The following DLG2 variants were observed in gnomAD, a reference collection of about 807,000 sequenced individuals.
DLG2 encodes disks large homolog 2.
A neutral mutation model predicts 132.5 loss-of-function variants in DLG2; 45 were observed. The ratio of observed to expected loss-of-function variants is 0.34; its 90% CI spans 0.27 to 0.44. The LOEUF is 0.44. DLG2 is among the 20% of genes least tolerant of loss of function. The probability of loss-of-function intolerance (pLI) is 1.00; values close to 1 mark genes in which losing one functional copy is unlikely to be tolerated. For missense variants in DLG2, 1,045 were observed against 1,196.9 expected, an observed-to-expected ratio of 0.87 and a Z score of 1.87; for synonymous variants, 424 against 419.6, an observed-to-expected ratio of 1.01 and a Z score of -0.13.
At chr11:84,253,421 GT>G (rs1417577890) in intron 7 of DLG2, among the ~76,000 whole-genome samples, 1 of 152,142 alleles carries the variant, frequency 6.6e-6, no homozygotes, top group Non-Finnish European at 1.5e-5. Context: ...ATAGTTGAGT[GT>G]GCTTGGTAAA....
At chr11:84,868,757 T>G (rs1361683887) in intron 6 of DLG2, among the ~76,000 whole-genome samples, 1 of 152,106 alleles carries the variant, frequency 6.6e-6, no homozygotes, top group Admixed American at 6.6e-5. Context: ...TGCCAATATC[T>G]CAGACAAAAC....
intron 22 of DLG2, among the ~76,000 whole-genome samples, chr11:83,474,409 G>A (rs1441172486): frequency 6.6e-6 from 1 of 152,124 alleles, no homozygotes; most frequent in Non-Finnish European, 1.5e-5. Context: ...AATTAAAGAA[G>A]TGTAAAAATT....
At chr11:85,467,033 G>C (rs1253629711) in intron 3 of DLG2, among the ~76,000 whole-genome samples, 1 of 152,100 alleles carries the variant, frequency 6.6e-6, no homozygotes, top group Non-Finnish European at 1.5e-5. Flanking sequence ...CAAATCCCTT[G>C]TAAGTTGGAT....
At chr11:85,619,980 T>A (rs1006029022) in intron 2 of DLG2, among the ~76,000 whole-genome samples, 2 of 152,230 alleles carry the variant, frequency 1.3e-5, no homozygotes, top group African/African-American at 2.4e-5. Flanking sequence ...CTCATTTTAT[T>A]GCACTTTGCT....
intron 7 of DLG2, among the ~76,000 whole-genome samples, chr11:84,467,118 GC>G: frequency 6.6e-6 from 1 of 151,392 alleles, no homozygotes; most frequent in East Asian, 1.9e-4. Flanking sequence ...ACTAAAAGGA[GC>G]TAGGACATCT....
At chr11:85,113,479 T>C (rs551365040) in intron 5 of DLG2, among the ~76,000 whole-genome samples, 123 of 152,164 alleles carry the variant, frequency 8.1e-4, no homozygotes, top group African/African-American at 2.9e-3. Context: ...TTTCTGACAC[T>C]AAGATCTTCT....
At chr11:83,928,234 T>C (rs2079365309) in intron 15 of DLG2, among the ~76,000 whole-genome samples, 1 of 152,000 alleles carries the variant, frequency 6.6e-6, no homozygotes, top group Non-Finnish European at 1.5e-5. Flanking sequence ...GCCTGGTGCA[T>C]ATCAGAATTA....
At chr11:85,152,319 C>T (rs1173188339) in intron 5 of DLG2, among the ~76,000 whole-genome samples, 4 of 151,820 alleles carry the variant, frequency 2.6e-5, no homozygotes, top group African/African-American at 4.8e-5. Context: ...CAGCTCACTA[C>T]AACCTCCACC....
intron 10 of DLG2, among the ~76,000 whole-genome samples, chr11:84,063,647 T>G (rs2096625865): frequency 6.6e-6 from 1 of 152,134 alleles, no homozygotes; most frequent in African/African-American, 2.4e-5. Flanking sequence ...CATGCTGCTA[T>G]AAAGACACAT....
chr11:83,742,813 T>C (rs186987382), intron 18 of DLG2, among the ~76,000 whole-genome samples: 21 of 152,304 alleles, frequency 1.4e-4, no homozygotes, highest in African/African-American at 4.3e-4. Context: ...AGTTTCCTCA[T>C]TATCTGGCCC....
intron 7 of DLG2, among the ~76,000 whole-genome samples, chr11:84,324,219 TTTGAG>T (rs1308594790): frequency 6.6e-6 from 1 of 152,102 alleles, no homozygotes; most frequent in Non-Finnish European, 1.5e-5. Context: ...TTTAGTTTAT[TTTGAG>T]TTGATTTTTG....
At chr11:84,501,155 A>G (rs2099203527) in intron 7 of DLG2, among the ~76,000 whole-genome samples, 1 of 152,234 alleles carries the variant, frequency 6.6e-6, no homozygotes, top group South Asian at 2.1e-4. Context: ...AACTACTCCA[A>G]TATGGGGAAT....
chr11:84,103,595 T>C (rs2092694877), intron 9 of DLG2, among the ~76,000 whole-genome samples: 1 of 152,102 alleles, frequency 6.6e-6, no homozygotes, highest in South Asian at 2.1e-4. Context: ...TGGACCATTC[T>C]TTCTCTTAAT....
At chr11:84,484,371 T>G (rs2154494202) in intron 7 of DLG2, among the ~76,000 whole-genome samples, 1 of 152,270 alleles carries the variant, frequency 6.6e-6, no homozygotes. Context: ...TACTCACCAC[T>G]CACTGTGGAC....
chr11:84,123,644 T>C (rs2094028467), intron 9 of DLG2, among the ~76,000 whole-genome samples: 1 of 152,222 alleles, frequency 6.6e-6, no homozygotes, highest in South Asian at 2.1e-4. Flanking sequence ...GCTGGCCTCC[T>C]ACTTCAGAAG....
chr11:83,876,588 T>C (rs12787463), intron 15 of DLG2, among the ~76,000 whole-genome samples: 13,008 of 152,164 alleles, frequency 0.085, 771 homozygotes, highest in Non-Finnish European at 0.13. Context: ...TTATCTAATG[T>C]AGTTCTTATA....
intron 6 of DLG2, among the ~76,000 whole-genome samples, chr11:84,919,898 C>T (rs956058381): frequency 1.4e-4 from 21 of 152,228 alleles, no homozygotes; most frequent in African/African-American, 4.1e-4. Context: ...GATCACATTG[C>T]TTCTTTTTAG....
At chr11:84,182,871 T>A (rs569746316) in intron 8 of DLG2, among the ~76,000 whole-genome samples, 1 of 151,522 alleles carries the variant, frequency 6.6e-6, no homozygotes, top group Non-Finnish European at 1.5e-5. Context: ...AGAAAAAAAA[T>A]GACAAAATTG....
chr11:84,018,700 C>T (rs1322146223), intron 11 of DLG2, among the ~76,000 whole-genome samples: 1 of 151,288 alleles, frequency 6.6e-6, no homozygotes, highest in Non-Finnish European at 1.5e-5. Flanking sequence ...ACATATTGAA[C>T]TATATTATGG....
Sources: gnomAD v4.1 joint callset for allele counts (sites outside exome capture counted in the v4.1 genomes callset) on GRCh38, gnomAD v4.1.1 for gene constraint, MANE v1.5 for transcripts, NCBI Gene and HGNC (gene_info 2026-07-23, HGNC 2026-07-21) for gene names.